The following NEMP2 variants were observed in gnomAD, a reference collection of about 807,000 sequenced individuals.
NEMP2 encodes the protein UPF0571 transmembrane protein.
A neutral mutation model predicts 54.2 loss-of-function variants in NEMP2; 53 were observed. The ratio of observed to expected loss-of-function variants is 0.98; its 90% confidence interval spans 0.78 to 1.23. NEMP2 has a LOEUF of 1.23. Ranked by LOEUF, NEMP2 falls within the 50% of genes most tolerant of loss-of-function variation. NEMP2 has a pLI of 0.00. For missense variants in NEMP2, 455 were observed against 511.3 expected, an observed-to-expected ratio of 0.89 and a Z score of 1.06; for synonymous variants, 197 against 190.3, an observed-to-expected ratio of 1.04 and a Z score of -0.29.
At chr2:190,634,041 C>T in the NEMP2 span, among the ~76,000 whole-genome samples, 4 of 152,140 alleles carry the variant, frequency 2.6e-5, no homozygotes, top group Non-Finnish European at 5.9e-5. This position sits in a 1 kb window ranked among gnomAD's most constrained non-coding sequence, Gnocchi z 6.8. Flanking sequence ...CACTTCACTC[C>T]AGCCTGGGCA....
chr2:190,584,698 C>A, the NEMP2 span, among the ~76,000 whole-genome samples: 1 of 151,912 alleles, frequency 6.6e-6, no homozygotes, highest in Admixed American at 6.6e-5. This position sits in a 1 kb window ranked among gnomAD's most constrained non-coding sequence, Gnocchi z 4.2. Context: ...CATAGCAAGG[C>A]CCTATCTTTG....
At chr2:190,620,945 A>G in the NEMP2 span, among the ~76,000 whole-genome samples, 7 of 152,368 alleles carry the variant, frequency 4.6e-5, no homozygotes, top group African/African-American at 1.7e-4. The surrounding 1 kb of genome is among the most constrained non-coding windows in gnomAD (Gnocchi z 4.9). Flanking sequence ...GCAAGTATCA[A>G]TATACTTCTA....
At chr2:190,621,587 CT>C in the NEMP2 span, among the ~76,000 whole-genome samples, 5 of 151,268 alleles carry the variant, frequency 3.3e-5, no homozygotes, top group African/African-American at 9.7e-5. Context: ...AAAATTCCAT[CT>C]GTCTTTGGGT....
At chr2:190,516,124 A>G in intron 6 of NEMP2, 146 bp downstream of exon 6, 1 of 555,822 alleles carries the variant, frequency 1.8e-6, no homozygotes, top group Non-Finnish European at 3.1e-6. Flanking sequence ...GGAATAAGAT[A>G]AACAAAATAT....
At chr2:190,449,880 G>A in the NEMP2 span, among the ~76,000 whole-genome samples, 24 of 152,170 alleles carry the variant, frequency 1.6e-4, no homozygotes, top group African/African-American at 2.6e-4. Flanking sequence ...GGGGGAAGGG[G>A]GGAGGAATAG....
chr2:190,612,017 T>C, the NEMP2 span, among the ~76,000 whole-genome samples: 1 of 152,134 alleles, frequency 6.6e-6, no homozygotes, highest in Non-Finnish European at 1.5e-5. Context: ...TTATAAAACA[T>C]TCAGGAGGCC....
the NEMP2 span, chr2:190,436,575 T>A: frequency 6.2e-7 from 1 of 1,614,204 alleles, no homozygotes; most frequent in Admixed American, 1.7e-5. This position sits in a 1 kb window ranked among gnomAD's most constrained non-coding sequence, Gnocchi z 5.3. Flanking sequence ...TGCCAACAAA[T>A]TCTTCCTTTA....
the NEMP2 span, among the ~76,000 whole-genome samples, chr2:190,560,446 T>G: frequency 6.6e-6 from 1 of 152,260 alleles, no homozygotes; most frequent in Non-Finnish European, 1.5e-5. This position sits in a 1 kb window ranked among gnomAD's most constrained non-coding sequence, Gnocchi z 5.4. Flanking sequence ...TACTCATTTC[T>G]ACTTGCATGT....
the NEMP2 span, among the ~76,000 whole-genome samples, chr2:190,574,210 G>A: frequency 1.3e-5 from 2 of 152,166 alleles, no homozygotes; most frequent in Non-Finnish European, 2.9e-5. Flanking sequence ...TTTATTGCAA[G>A]ATGAACAGAA....
chr2:190,529,281 C>T lies in NEMP2; in HGVS notation c.98-3903G>A, dbSNP rs998693202. Among the ~76,000 whole-genome samples, 1 of 152,182 alleles carries T rather than the reference C, an allele frequency of 6.6e-6. No individual in the cohort carries two copies. Among genetic ancestry groups the T allele is most frequent in the African/African-American group, 2.4e-5 (1 of 41,440 alleles). ...CTTTTACACCATTAATAAAATCCCC[C>T]TCCCTTCCAGGGACCTGAGTGCCTC... is the stretch of plus-strand genomic sequence containing the variant. On this transcript the variant is annotated intron_variant, in intron 1 of 8. Transcript: ENST00000409150. The surrounding 1 kb of genome is among the most constrained non-coding windows in gnomAD (Gnocchi z 4.7).
At chr2:190,618,141 T>G in the NEMP2 span, among the ~76,000 whole-genome samples, 10 of 152,342 alleles carry the variant, frequency 6.6e-5, no homozygotes, top group Admixed American at 5.2e-4. Context: ...CTACTTTGCT[T>G]GCAGCTTATC....
the NEMP2 span, among the ~76,000 whole-genome samples, chr2:190,641,932 A>G: frequency 1.3e-5 from 2 of 152,366 alleles, no homozygotes; most frequent in African/African-American, 2.4e-5. Context: ...AGTCTTTTCA[A>G]AAGTTTCCAT....
chr2:190,548,239 TTAAAGA>T, the NEMP2 span, among the ~76,000 whole-genome samples: 11 of 152,144 alleles, frequency 7.2e-5, no homozygotes, highest in Admixed American at 6.5e-4. Context: ...TTCTTTTCAC[TTAAAGA>T]TAATTTGCCT....
the NEMP2 span, among the ~76,000 whole-genome samples, chr2:190,554,681 C>G: frequency 6.6e-6 from 1 of 152,210 alleles, no homozygotes; most frequent in African/African-American, 2.4e-5. The surrounding 1 kb of genome is among the most constrained non-coding windows in gnomAD (Gnocchi z 5.7). Flanking sequence ...ATAAAACCCC[C>G]ACTTCCCTGG....
At chr2:190,474,915 T>C in the NEMP2 span, among the ~76,000 whole-genome samples, 76 of 152,230 alleles carry the variant, frequency 5.0e-4, no homozygotes, top group African/African-American at 1.8e-3. Context: ...GTTCAACATA[T>C]GCAAATCAAT....
the NEMP2 span, chr2:190,469,428 CG>C: frequency 6.4e-6 from 1 of 156,478 alleles, no homozygotes; most frequent in Admixed American, 6.5e-5. The surrounding 1 kb of genome is among the most constrained non-coding windows in gnomAD (Gnocchi z 5.3). Flanking sequence ...GATGGCAGTG[CG>C]CCCAGACTAT....
At chr2:190,534,518 G>T in intron 1 of NEMP2, 41 bp downstream of exon 1, 1 of 1,364,596 alleles carries the variant, frequency 7.3e-7, no homozygotes, top group Non-Finnish European at 9.4e-7. Context: ...GCCGGGGAGC[G>T]AGCACGCACG....
intron 2 of NEMP2, among the ~76,000 whole-genome samples, chr2:190,524,603 T>C (rs1690866730): frequency 6.6e-6 from 1 of 152,214 alleles, no homozygotes; most frequent in African/African-American, 2.4e-5. Flanking sequence ...CAACGAGAAC[T>C]ACCCTGGCCA....
At chr2:190,426,251 G>T in the NEMP2 span, among the ~76,000 whole-genome samples, 2 of 151,690 alleles carry the variant, frequency 1.3e-5, no homozygotes, top group Non-Finnish European at 2.9e-5. This position sits in a 1 kb window ranked among gnomAD's most constrained non-coding sequence, Gnocchi z 4.7. Context: ...TTTTCTCTCT[G>T]TTCAGATTGT....
Sources: allele counts gnomAD v4.1 joint callset (sites outside exome capture counted in the v4.1 genomes callset), GRCh38; gene constraint gnomAD v4.1.1; non-coding constraint Gnocchi (gnomAD v3.1); transcripts MANE v1.5; gene names NCBI Gene and HGNC (gene_info 2026-07-23, HGNC 2026-07-21).